The following ADGRD1 variants were observed in gnomAD, a reference collection of about 807,000 sequenced individuals.
The protein encoded by ADGRD1 is G-protein coupled receptor 133.
ADGRD1 carries 77 observed loss-of-function variants against 113.4 expected under a neutral mutation model. That is an observed-to-expected ratio of 0.68 (90% CI 0.57 to 0.82). The LOEUF (loss-of-function observed/expected upper bound fraction) is 0.82, where lower values mean the gene tolerates loss of function less well. ADGRD1 is among the 40% of genes least tolerant of loss of function. ADGRD1 has a pLI of 0.00. For synonymous variants in ADGRD1, 474 were observed against 475.0 expected, an observed-to-expected ratio of 1.00 and a Z score of 0.03; for missense variants, 1,036 against 1,139.1, an observed-to-expected ratio of 0.91 and a Z score of 1.30.
At chr12:131,082,942 C>T (rs925025148) in intron 14 of ADGRD1, among the ~76,000 whole-genome samples, 3 of 152,220 alleles carry the variant, frequency 2.0e-5, no homozygotes, top group East Asian at 1.9e-4. Context: ...TGGGTCATGT[C>T]GGAAAGACCG....
chr12:131,110,257 C>T (rs1218339109), intron 18 of ADGRD1, among the ~76,000 whole-genome samples: 5 of 152,092 alleles, frequency 3.3e-5, no homozygotes, highest in Admixed American at 3.3e-4. Context: ...TATATGTCTA[C>T]TATCTGTTTT....
chr12:131,029,214 G>C (rs1468569594), intron 13 of ADGRD1, among the ~76,000 whole-genome samples: 1 of 152,220 alleles, frequency 6.6e-6, no homozygotes, highest in Non-Finnish European at 1.5e-5. Context: ...ATTGCCTGCT[G>C]CTGTAATCTA....
intron 13 of ADGRD1, among the ~76,000 whole-genome samples, chr12:131,053,789 A>G (rs1165212378): frequency 6.6e-6 from 1 of 152,194 alleles, no homozygotes; most frequent in African/African-American, 2.4e-5. Flanking sequence ...ATGGGGTCAC[A>G]TGGTGAGAAA....
intron 4 of ADGRD1, chr12:130,980,946 T>G (rs1277954476): frequency 1.3e-5 from 2 of 152,226 alleles, no homozygotes; most frequent in Admixed American, 6.5e-5. Context: ...GCTCAGACCA[T>G]TTAGTCCAGG....
At chr12:131,052,548 GC>G (rs1883500074) in intron 13 of ADGRD1, among the ~76,000 whole-genome samples, 1 of 152,194 alleles carries the variant, frequency 6.6e-6, no homozygotes, top group South Asian at 2.1e-4. Flanking sequence ...ATCTGCCTCC[GC>G]CAGGGCTGGC....
intron 5 of ADGRD1, among the ~76,000 whole-genome samples, chr12:130,986,176 A>T (rs1873647219): frequency 6.6e-6 from 1 of 152,292 alleles, no homozygotes; most frequent in South Asian, 2.1e-4. Flanking sequence ...GTTTATCAAT[A>T]TCCACAAAAT....
intron 23 of ADGRD1, among the ~76,000 whole-genome samples, chr12:131,137,478 G>A (rs1252663164): frequency 6.6e-6 from 1 of 152,252 alleles, no homozygotes; most frequent in Non-Finnish European, 1.5e-5. Context: ...GGAGGTAGGG[G>A]CTGCCCCAAG....
intron 13 of ADGRD1, among the ~76,000 whole-genome samples, chr12:131,021,185 A>G (rs1297343427): frequency 2.6e-5 from 4 of 152,238 alleles, no homozygotes; most frequent in South Asian, 4.1e-4. Context: ...TTTTAAGTAC[A>G]ATGATTGAAA....
intron 19 of ADGRD1, 106 bp from the exon 20 acceptor site, chr12:131,120,741 G>A: frequency 9.7e-7 from 1 of 1,036,064 alleles, no homozygotes; most frequent in South Asian, 1.3e-5. Flanking sequence ...GCCCCAGGTG[G>A]ACCCTGTAGC....
chr12:131,130,740 C>T (rs540831999), intron 20 of ADGRD1, among the ~76,000 whole-genome samples: 4 of 150,318 alleles, frequency 2.7e-5, no homozygotes, highest in African/African-American at 5.0e-5. Context: ...AGAGCGAGGC[C>T]GGCCCATCCC....
At chr12:131,128,824 G>A (rs952699841) in intron 20 of ADGRD1, among the ~76,000 whole-genome samples, 1 of 152,164 alleles carries the variant, frequency 6.6e-6, no homozygotes, top group Non-Finnish European at 1.5e-5. Context: ...CCATAGAGTG[G>A]GTGTGGGCAG....
intron 13 of ADGRD1, among the ~76,000 whole-genome samples, chr12:131,058,989 C>T (rs1475436042): frequency 5.3e-5 from 8 of 152,168 alleles, no homozygotes; most frequent in Admixed American, 2.0e-4. Flanking sequence ...TGCAGTGACA[C>T]GGATATTATA....
At position 131,041,030 on chromosome 12, in the gene ADGRD1, C is replaced by T. The variant is rs76543123; in HGVS notation, c.1473+26690C>T. Among the ~76,000 whole-genome samples, 1,650 of 152,324 alleles carry T rather than the reference C, an allele frequency of 0.011. 36 individuals are homozygous for T. The highest frequency in any genetic ancestry group is 0.037 in the African/African-American group (1,521 of 41,552). Reference sequence around the variant, plus strand: ...CCCCCCCGGAGTTTGCCATCATCCCCACCTGGATGGTCCCTGGGGACATCT... The same window carrying T: ...CCCCCCCGGAGTTTGCCATCATCCCTACCTGGATGGTCCCTGGGGACATCT... On this transcript the variant is annotated intron_variant, in intron 13 of 24. Transcript: ENST00000261654. This position sits in a 1 kb window ranked among gnomAD's most constrained non-coding sequence, Gnocchi z 4.4.
intron 14 of ADGRD1, among the ~76,000 whole-genome samples, chr12:131,080,226 T>G (rs933830289): frequency 2.0e-5 from 3 of 152,234 alleles, no homozygotes; most frequent in Non-Finnish European, 4.4e-5. Flanking sequence ...CTTCAACCTC[T>G]TCAACCTATG....
chr12:130,955,691 C>T lies in ADGRD1; in HGVS notation c.103+1031C>T, dbSNP rs567921312. 2.8e-3 allele frequency among the ~76,000 whole-genome samples: 422 copies of T among 152,318 alleles called. 2 individuals are homozygous for T. The highest frequency in any genetic ancestry group is 4.0e-3 in the Non-Finnish European group (274 of 68,042). ...CTGTTGTGAGCACAGCCTCTGCCCC[C>T]GCCCCACCAGAGCTTGGCTGGGCAC... On this transcript the variant is annotated intron_variant, in intron 2 of 24. Transcript: ENST00000261654.
In ADGRD1 at chr12:131,005,862, G is replaced by T. The variant is rs958635491; in HGVS notation, c.1256-110G>T. On this transcript the variant is annotated intron_variant, in intron 11 of 24. Coordinates refer to ENST00000261654, the MANE Select transcript of ADGRD1 (RefSeq NM_198827.5). ...TCCTTCACTTCCTTCTCCCCAGAGG[G>T]TTCTTAGGAGTGAGGGGCAGCACCA... 1.3e-5 allele frequency: 11 copies of T among 832,570 alleles called. No individual in the cohort carries two copies. In the East Asian group the frequency reaches 2.3e-4, roughly 17 times the overall value. 51.6% of individuals were successfully genotyped at this position (832,570 alleles called of 1,614,324 possible).
At chr12:131,064,516 A>G (rs1200514291) in intron 13 of ADGRD1, among the ~76,000 whole-genome samples, 1 of 152,216 alleles carries the variant, frequency 6.6e-6, no homozygotes, top group Non-Finnish European at 1.5e-5. Flanking sequence ...GGCTATATTT[A>G]TATAGTGCAT....
At chr12:131,103,081 T>C (rs1000770550) in intron 15 of ADGRD1, among the ~76,000 whole-genome samples, 1 of 152,230 alleles carries the variant, frequency 6.6e-6, no homozygotes, top group African/African-American at 2.4e-5. Flanking sequence ...TTTCCCGTGA[T>C]AGCCACAACG....
intron 21 of ADGRD1, among the ~76,000 whole-genome samples, chr12:131,132,567 C>G (rs970746956): frequency 6.6e-6 from 1 of 152,206 alleles, no homozygotes; most frequent in Non-Finnish European, 1.5e-5. Flanking sequence ...GTGTTGGCTT[C>G]AGGCCGAGGT....
Sources: allele counts gnomAD v4.1 joint callset (sites outside exome capture counted in the v4.1 genomes callset), GRCh38; gene constraint gnomAD v4.1.1; non-coding constraint Gnocchi (gnomAD v3.1); transcripts MANE v1.5; gene names NCBI Gene and HGNC (gene_info 2026-07-23, HGNC 2026-07-21).